The following MRAP variants were observed in gnomAD, a reference collection of about 807,000 sequenced individuals.
MRAP encodes the protein melanocortin-2 receptor accessory protein.
Under a neutral mutation model 8.7 loss-of-function variants are expected in MRAP, and 8 were observed. That is an observed-to-expected ratio of 0.92 (90% CI 0.54 to 1.66). MRAP has a LOEUF of 1.66. Among genes scored for constraint, MRAP ranks in the 40% most tolerant of loss-of-function variants. The probability of loss-of-function intolerance (pLI) is 0.00; values close to 1 mark genes in which losing one functional copy is unlikely to be tolerated. For synonymous variants in MRAP, 95 were observed against 95.5 expected, an observed-to-expected ratio of 1.00 and a Z score of 0.03; for missense variants, 237 against 217.1, an observed-to-expected ratio of 1.09 and a Z score of -0.58.
upstream of MRAP, among the ~76,000 whole-genome samples, chr21:32,295,721 A>T (rs1385123777): frequency 6.6e-6 from 1 of 152,148 alleles, no homozygotes; most frequent in Non-Finnish European, 1.5e-5. Flanking sequence ...CATGCCTGTA[A>T]TCCCAGCACT....
upstream of MRAP, among the ~76,000 whole-genome samples, chr21:32,295,058 T>C (rs2032116253): frequency 6.6e-6 from 1 of 151,512 alleles, no homozygotes; most frequent in Non-Finnish European, 1.5e-5. Flanking sequence ...ATCTAGATGA[T>C]GGATAGTGGT....
intron 1 of MRAP, among the ~76,000 whole-genome samples, chr21:32,299,350 T>C (rs1296890346): frequency 6.6e-6 from 1 of 152,220 alleles, no homozygotes; most frequent in Non-Finnish European, 1.5e-5. Flanking sequence ...TTATTTTATT[T>C]TGGAGATAGG....
Position 32,306,623 on chromosome 21 carries a change from A to G in MRAP, c.107-17A>G, listed in dbSNP as rs1465557132. Reference sequence around the variant, plus strand: ...TTGACATAACCCAGCGCTGAGATGCATCTCCTCCTCCCGCAGATTCCATCG... The same window carrying G: ...TTGACATAACCCAGCGCTGAGATGCGTCTCCTCCTCCCGCAGATTCCATCG... On this transcript the variant is annotated splice_polypyrimidine_tract_variant and intron_variant, in intron 1 of 2. Coordinates refer to ENST00000303645, the MANE Select transcript of MRAP (RefSeq NM_001379228.1). 1.2e-6 allele frequency: 2 copies of G among 1,611,528 alleles called. No individual in the cohort carries two copies. Among genetic ancestry groups the G allele is most frequent in the Non-Finnish European group, 1.7e-6 (2 of 1,177,744 alleles).
chr21:32,301,223 A>C (rs551770552), intron 1 of MRAP, among the ~76,000 whole-genome samples: 82 of 152,156 alleles, frequency 5.4e-4, no homozygotes, highest in South Asian at 1.9e-3. Flanking sequence ...CACCTTCCCA[A>C]AGTGCTGGGA....
chr21:32,311,785 C>T lies in MRAP; in HGVS notation c.308C>T (p.Thr103Ile). 1 of 1,614,174 alleles carries T rather than the reference C, an allele frequency of 6.2e-7. No homozygotes were observed. The highest frequency in any genetic ancestry group is 1.1e-5 in the South Asian group (1 of 91,086). ...CLPCHREPLA[T>I]SQAQASSVEP... is the part of the protein sequence containing the mutation. Reference sequence around the variant, plus strand: ...CCGTGCCACAGGGAACCCCTGGCAACCTCACAGGCTCAGGCGAGCTCAGTG... The same window carrying T: ...CCGTGCCACAGGGAACCCCTGGCAATCTCACAGGCTCAGGCGAGCTCAGTG... Residue 103 changes from threonine (T) to isoleucine (I), a missense_variant, in exon 3 of 3, where the codon ACC becomes ATC. Transcript: ENST00000303645.
At chr21:32,300,644 T>A (rs569261681) in intron 1 of MRAP, among the ~76,000 whole-genome samples, 9 of 148,738 alleles carry the variant, frequency 6.1e-5, no homozygotes, top group Non-Finnish European at 1.5e-5. Context: ...TCACACGTCC[T>A]ATGCCGGGGG....
At chr21:32,314,322 T>A, downstream of MRAP, 1 of 438,158 alleles carries the variant, frequency 2.3e-6, no homozygotes, top group Non-Finnish European at 4.3e-6. Flanking sequence ...GTAGCTGGAA[T>A]TACAGGTGTG....
intron 1 of MRAP, 37 bp downstream of exon 1, chr21:32,299,114 TG>T: frequency 1.3e-6 from 2 of 1,563,066 alleles, no homozygotes; most frequent in South Asian, 1.1e-5. Context: ...AGACAGAGGC[TG>T]GGGGCCGGGG....
chr21:32,301,258 G>A lies in MRAP; in HGVS notation c.106+2181G>A, dbSNP rs111627109. Among the ~76,000 whole-genome samples the A allele has an allele frequency of 5.0e-3, 760 of 152,210 alleles. 8 individuals carry two copies. The highest frequency in any genetic ancestry group is 0.018 in the African/African-American group (733 of 41,528). ...ATTACAGGCGTGAGCCACCACGCCT[G>A]GCCCAATTAGGATGGATTGTAAAAT... On this transcript the variant is annotated intron_variant, in intron 1 of 2. Transcript: ENST00000303645.
At chr21:32,308,433 T>C (rs2032471529) in intron 2 of MRAP, 2 of 152,686 alleles carry the variant, frequency 1.3e-5, no homozygotes, top group African/African-American at 4.8e-5. Context: ...TAGGCACCTA[T>C]GGCCAGCATC....
intron 2 of MRAP, 49 bp downstream of exon 2, chr21:32,306,788 T>A: frequency 7.2e-7 from 1 of 1,382,310 alleles, no homozygotes; most frequent in Non-Finnish European, 1.0e-6. Context: ...CGCTCTCCAG[T>A]GAGTAACAGT....
chr21:32,314,267 C>T, downstream of MRAP: 3 of 375,008 alleles, frequency 8.0e-6, no homozygotes, highest in South Asian at 6.6e-5. Flanking sequence ...TCACTGTAGC[C>T]TCCACCTCCC....
At position 32,306,728 on chromosome 21, in the gene MRAP, C is replaced by A. The variant is rs1302731175; in HGVS notation, c.195C>A (p.Ser65=). ...LILLYMSWSA[S]PQMRNSPKHH... ...TGCTCTACATGTCCTGGTCCGCCTC[C>A]CCGCAGATGAGGTGGGTAAGAAGGG... Residue 65 remains serine, a synonymous_variant, in exon 2 of 3, where the codon TCC becomes TCA. Transcript: ENST00000303645. 1 of 1,614,028 alleles carries A rather than the reference C, an allele frequency of 6.2e-7. No homozygotes were observed. Among genetic ancestry groups the A allele is most frequent in the South Asian group, 1.1e-5 (1 of 91,078 alleles).
At chr21:32,311,601 G>A in intron 2 of MRAP, 83 bp from the exon 3 acceptor site, 2 of 1,544,584 alleles carry the variant, frequency 1.3e-6, no homozygotes, top group Non-Finnish European at 8.7e-7. Flanking sequence ...GATGGCAGGT[G>A]TGGCAGGAAA....
chr21:32,306,034 CTGAGA>C (rs1284293388), intron 1 of MRAP, among the ~76,000 whole-genome samples: 2 of 152,134 alleles, frequency 1.3e-5, no homozygotes, highest in African/African-American at 2.4e-5. Context: ...GCCACAGCCC[CTGAGA>C]TGAGACTTCC....
chr21:32,312,960 G>GAAA (rs1402486334), downstream of MRAP: 2 of 152,194 alleles, frequency 1.3e-5, no homozygotes. Context: ...TAAGTGACTG[G>GAAA]AAAATACACG....
rs370556259 is a variant in MRAP at position 32,301,286 on chromosome 21, T to C, written c.106+2209T>C. Among the ~76,000 whole-genome samples the C allele has an allele frequency of 3.9e-5, 6 of 152,324 alleles. No individual in the cohort carries two copies. The East Asian group carries it at 7.7e-4, about 20-fold the overall frequency. ...CCAATTAGGATGGATTGTAAAATGTTTGTGCTTATGCTCTGATGTGTGATG... is the reference window on the plus strand; with the variant it reads ...CCAATTAGGATGGATTGTAAAATGTCTGTGCTTATGCTCTGATGTGTGATG... On this transcript the variant is annotated intron_variant, in intron 1 of 2. Transcript: ENST00000303645.
At chr21:32,306,402 T>G (rs1386763465) in intron 1 of MRAP, 3 of 542,168 alleles carry the variant, frequency 5.5e-6, no homozygotes, top group Non-Finnish European at 1.0e-5. Context: ...CTCTTAACAA[T>G]CACCCTAAAC....
At chr21:32,310,381 C>A (rs1219225098) in intron 2 of MRAP, among the ~76,000 whole-genome samples, 1 of 152,030 alleles carries the variant, frequency 6.6e-6, no homozygotes, top group Non-Finnish European at 1.5e-5. Context: ...CATTCTTAGG[C>A]GAGTGCCATC....
Sources: allele counts gnomAD v4.1 joint callset (sites outside exome capture counted in the v4.1 genomes callset), GRCh38; gene constraint gnomAD v4.1.1; transcripts MANE v1.5; gene names NCBI Gene and HGNC (gene_info 2026-07-23, HGNC 2026-07-21).